CELF2: variants seen among roughly 807,000 people sequenced by gnomAD.
CELF2 encodes the protein CUG triplet repeat RNA-binding protein 2.
CELF2 carries 8 observed loss-of-function variants against 62.6 expected under a neutral mutation model. The ratio of observed to expected loss-of-function variants is 0.13; its 90% confidence interval spans 0.07 to 0.23. The LOEUF (loss-of-function observed/expected upper bound fraction) is 0.23, where lower values mean the gene tolerates loss of function less well. Among genes scored for constraint, CELF2 ranks in the 10% least tolerant of loss-of-function variants. The probability of loss-of-function intolerance (pLI) is 1.00; values close to 1 mark genes in which losing one functional copy is unlikely to be tolerated. For missense variants in CELF2, 333 were observed against 671.0 expected (o/e 0.50, Z 5.56); for synonymous variants, 258 against 250.0 (o/e 1.03, Z -0.30).
the CELF2 span, among the ~76,000 whole-genome samples, chr10:10,529,226 A>G: frequency 1.3e-5 from 2 of 152,154 alleles, no homozygotes; most frequent in African/African-American, 4.8e-5. Context: ...TTTTTAGTGG[A>G]TGGAGATTCT....
chr10:10,972,326 A>T lies in CELF2; in HGVS notation c.89+52327A>T, dbSNP rs112258260. Among the ~76,000 whole-genome samples the T allele has an allele frequency of 3.3e-5, 5 of 152,222 alleles. No individual in the cohort carries two copies. The highest frequency in any genetic ancestry group is 1.5e-5 in the Non-Finnish European group (1 of 68,038). On this transcript the variant is annotated intron_variant, in intron 2 of 13. Coordinates refer to the CELF2 transcript ENST00000636488. This position sits in a 1 kb window ranked among gnomAD's most constrained non-coding sequence, Gnocchi z 4.4. ...CTACATATCATCATCCCCTGTAAAA[A>T]TTCACAATAGAAATTAGCAAGCTGT...
At chr10:11,320,017 A>G (rs1004491152) in intron 10 of CELF2, 12 of 358,648 alleles carry the variant, frequency 3.3e-5, no homozygotes, top group Non-Finnish European at 5.0e-5. Context: ...TGCTGTTTTC[A>G]TATCTCCAAT....
chr10:10,768,688 C>T, the CELF2 span, among the ~76,000 whole-genome samples: 1 of 151,704 alleles, frequency 6.6e-6, no homozygotes, highest in Non-Finnish European at 1.5e-5. Flanking sequence ...ATTCTCCTGC[C>T]TCAGGTTCCC....
chr10:11,278,625 T>G (rs538687759), intron 8 of CELF2, among the ~76,000 whole-genome samples: 1 of 152,344 alleles, frequency 6.6e-6, no homozygotes, highest in South Asian at 2.1e-4. Context: ...ACCATTTTGT[T>G]TTTAACAAAG....
chr10:10,751,876 C>T, the CELF2 span, among the ~76,000 whole-genome samples: 3 of 152,082 alleles, frequency 2.0e-5, no homozygotes, highest in Non-Finnish European at 2.9e-5. Context: ...GTTTCTGGTA[C>T]TAATAGATTC....
intron 1 of CELF2, among the ~76,000 whole-genome samples, chr10:10,812,803 G>A (rs928863270): frequency 1.3e-5 from 2 of 152,118 alleles, no homozygotes; most frequent in African/African-American, 4.8e-5. Flanking sequence ...CATTAATAGG[G>A]TGTCAATGTC....
chr10:10,779,464 T>C, the CELF2 span, among the ~76,000 whole-genome samples: 37 of 152,266 alleles, frequency 2.4e-4, no homozygotes, highest in Non-Finnish European at 5.9e-5. Context: ...CCTTCCTGAT[T>C]CTCCACCCTT....
intron 2 of CELF2, among the ~76,000 whole-genome samples, chr10:10,953,832 T>G (rs925655715): frequency 5.1e-5 from 7 of 137,506 alleles, no homozygotes; most frequent in South Asian, 4.7e-4. Context: ...AAAAAAAAAA[T>G]GACAAACCAG....
In CELF2 at chr10:10,928,547, A is replaced by T. The variant is rs969419553; in HGVS notation, c.89+8548A>T. Among the ~76,000 whole-genome samples, 2 of 152,132 alleles carry T rather than the reference A, an allele frequency of 1.3e-5. No individual in the cohort carries two copies. The highest frequency in any genetic ancestry group is 4.8e-5 in the African/African-American group (2 of 41,412). On this transcript the variant is annotated intron_variant, in intron 2 of 13. Coordinates refer to the CELF2 transcript ENST00000636488. This position sits in a 1 kb window ranked among gnomAD's most constrained non-coding sequence, Gnocchi z 4.8. ...CATCTATTTATGTGTTGTCTGTACC[A>T]TTTTTGTGCTACAACATCACAGTTG...
intron 1 of CELF2, among the ~76,000 whole-genome samples, chr10:10,865,468 G>A (rs549588827): frequency 1.3e-5 from 2 of 152,280 alleles, no homozygotes; most frequent in South Asian, 2.1e-4. Flanking sequence ...TTATAATGAA[G>A]CCTTTTAAGT....
chr10:10,905,011 G>T (rs2063223819), intron 1 of CELF2, among the ~76,000 whole-genome samples: 2 of 152,074 alleles, frequency 1.3e-5, no homozygotes, highest in Admixed American at 6.6e-5. Context: ...GCTGTGTTTT[G>T]TTTCGTTTGC....
intron 11 of CELF2, 141 bp from the exon 12 acceptor site, chr10:11,325,695 C>G: frequency 1.4e-6 from 1 of 709,624 alleles, no homozygotes; most frequent in Admixed American, 3.3e-5. Context: ...CTGAAAGGCA[C>G]TCCAGCACTT....
chr10:11,152,164 A>C (rs1250932441), intron 1 of CELF2, among the ~76,000 whole-genome samples: 1 of 152,204 alleles, frequency 6.6e-6, no homozygotes, highest in South Asian at 2.1e-4. Flanking sequence ...GGGCTGTTCC[A>C]CATGCAGGGG....
intron 1 of CELF2, among the ~76,000 whole-genome samples, chr10:11,018,457 C>G (rs979800475): frequency 4.7e-5 from 7 of 149,090 alleles, no homozygotes; most frequent in African/African-American, 1.2e-4. Flanking sequence ...CCGAGCGCGG[C>G]GTCCCGGGTC....
At chr10:11,074,271 G>A (rs2209284) in intron 1 of CELF2, among the ~76,000 whole-genome samples, 136,443 of 152,276 alleles carry the variant, frequency 0.9, 61,451 homozygotes, top group East Asian at 1. Flanking sequence ...TGAGGGTGCT[G>A]AAACATTTTT....
chr10:10,731,998 A>G, the CELF2 span, among the ~76,000 whole-genome samples: 5 of 152,050 alleles, frequency 3.3e-5, no homozygotes, highest in Non-Finnish European at 7.4e-5. Context: ...CAACCCTACA[A>G]GATACTAGCA....
the CELF2 span, among the ~76,000 whole-genome samples, chr10:10,749,356 A>C: frequency 6.6e-5 from 10 of 152,190 alleles, no homozygotes; most frequent in Non-Finnish European, 1.5e-4. Context: ...CATGGGGAAC[A>C]AGCTGAGGGT....
intron 2 of CELF2, among the ~76,000 whole-genome samples, chr10:11,173,683 T>C (rs906594917): frequency 1.3e-5 from 2 of 152,220 alleles, no homozygotes; most frequent in Non-Finnish European, 2.9e-5. Flanking sequence ...TTTCACTGAT[T>C]CTGAGGCCAT....
chr10:10,529,601 T>A, the CELF2 span, among the ~76,000 whole-genome samples: 2 of 143,856 alleles, frequency 1.4e-5, no homozygotes, highest in Non-Finnish European at 3.0e-5. Context: ...GGAGAATTAC[T>A]TGAACTCGGA....
Sources: gnomAD v4.1 joint callset for allele counts (sites outside exome capture counted in the v4.1 genomes callset) on GRCh38, gnomAD v4.1.1 for gene constraint, Gnocchi (gnomAD v3.1) non-coding constraint, MANE v1.5 for transcripts, NCBI Gene and HGNC (gene_info 2026-07-23, HGNC 2026-07-21) for gene names.